The following CDCP2 variants were observed in gnomAD, a reference collection of about 807,000 sequenced individuals.
CDCP2 encodes CUB domain containing protein 2, also known as CUB domain-containing protein 2.
In CDCP2, 31 loss-of-function variants were observed where a neutral mutation model predicts 31.0. That is an observed-to-expected ratio of 1.00 (90% confidence interval 0.75 to 1.35). The LOEUF is 1.35. Among genes scored for constraint, CDCP2 ranks in the 40% most tolerant of loss-of-function variants. CDCP2 has a pLI of 0.00. For missense variants in CDCP2, 443 were observed against 482.6 expected (o/e 0.92, Z 0.77); for synonymous variants, 206 against 207.9 (o/e 0.99, Z 0.08).
chr1:54,151,307 G>A (rs764569732), intron 1 of CDCP2, among the ~76,000 whole-genome samples: 4 of 152,172 alleles, frequency 2.6e-5, no homozygotes, highest in Non-Finnish European at 5.9e-5. Flanking sequence ...TCAGCTCTCT[G>A]CCTAGCTCTT....
chr1:54,139,912 C>A (rs777986947), exon 4 of CDCP2: 1 of 1,614,180 alleles, frequency 6.2e-7, no homozygotes, highest in Admixed American at 1.7e-5. Context: ...TCGAAGGCCG[C>A]CAGATGGTCA....
At chr1:54,135,564 T>A (rs1218076526) in intron 5 of CDCP2, among the ~76,000 whole-genome samples, 1 of 152,156 alleles carries the variant, frequency 6.6e-6, no homozygotes, top group African/African-American at 2.4e-5. Flanking sequence ...GAGTCATTGG[T>A]TCTAGGATTT....
At chr1:54,139,649 G>A in intron 4 of CDCP2, 104 bp downstream of exon 4, 1 of 1,613,478 alleles carries the variant, frequency 6.2e-7, no homozygotes, top group Non-Finnish European at 8.5e-7. Flanking sequence ...CATTCATGGG[G>A]GGGGCAGGAC....
exon 1 of CDCP2, chr1:54,152,884 C>T: frequency 2.5e-6 from 4 of 1,614,236 alleles, no homozygotes; most frequent in Non-Finnish European, 3.4e-6. Flanking sequence ...CCAGCAGTGC[C>T]ACTGCCAGCA....
intron 4 of CDCP2, chr1:54,139,203 TC>T (rs1259322162): frequency 1.5e-4 from 42 of 273,640 alleles, no homozygotes; most frequent in African/African-American, 9.2e-4. Context: ...ATGGCAGCCA[TC>T]TTGCAGCTGT....
chr1:54,141,459 C>T (rs3766463), intron 2 of CDCP2, 26 bp from the exon 3 acceptor site: 1 of 1,558,868 alleles, frequency 6.4e-7, no homozygotes, highest in South Asian at 1.2e-5. Context: ...CTTGAGCTGA[C>T]CTTTCTTTCT....
chr1:54,133,715 T>C (rs998005526), intron 5 of CDCP2, among the ~76,000 whole-genome samples: 1 of 151,946 alleles, frequency 6.6e-6, no homozygotes, highest in Non-Finnish European at 1.5e-5. Flanking sequence ...ACTAACACCA[T>C]GAAACCCCAT....
At chr1:54,140,321 G>A in intron 3 of CDCP2, 1 of 589,672 alleles carries the variant, frequency 1.7e-6, no homozygotes, top group Non-Finnish European at 3.0e-6. Context: ...CTAGCTGAAA[G>A]CTGGGACTTG....
intron 3 of CDCP2, 100 bp downstream of exon 3, chr1:54,140,998 G>T: frequency 9.9e-7 from 1 of 1,015,058 alleles, no homozygotes; most frequent in Non-Finnish European, 1.4e-6. Context: ...AAAGCTCAAG[G>T]CTGCGGGGGG....
At position 54,140,116 on chromosome 1, in the gene CDCP2, G is replaced by T. The variant is rs1002592263; in HGVS notation, c.764-10C>A. On this transcript the variant is annotated splice_polypyrimidine_tract_variant and intron_variant, in intron 3 of 5. Coordinates refer to ENST00000530059, the Ensembl canonical transcript of CDCP2. Reference sequence around the variant, plus strand: ...ACCTCCTGGCATTCTCCTGGATGGGGGATGGGGAGGTGGAAGGAGCAACAG... The same window carrying T: ...ACCTCCTGGCATTCTCCTGGATGGGTGATGGGGAGGTGGAAGGAGCAACAG... The T allele has an allele frequency of 1.4e-5, 23 of 1,611,548 alleles. No homozygotes were observed. The highest frequency in any genetic ancestry group is 1.6e-5 in the Non-Finnish European group (19 of 1,178,718).
chr1:54,150,595 T>TA (rs559491653), intron 1 of CDCP2, among the ~76,000 whole-genome samples: 12,548 of 145,248 alleles, frequency 0.086, 548 homozygotes, highest in South Asian at 0.14. Context: ...AGACTCCATT[T>TA]AAAAAAAAAA....
At chr1:54,150,464 G>A (rs1362876890) in intron 1 of CDCP2, among the ~76,000 whole-genome samples, 1 of 152,030 alleles carries the variant, frequency 6.6e-6, no homozygotes, top group African/African-American at 2.4e-5. Flanking sequence ...GCATGTTGGC[G>A]GGAGTCTGTA....
downstream of CDCP2, chr1:54,132,905 CCT>C: frequency 2.5e-6 from 1 of 398,094 alleles, no homozygotes; most frequent in Non-Finnish European, 4.4e-6. Flanking sequence ...CCGTCCCACC[CCT>C]GTTATGGGTC....
intron 1 of CDCP2, among the ~76,000 whole-genome samples, chr1:54,148,773 G>A (rs901593383): frequency 2.0e-5 from 3 of 151,400 alleles, no homozygotes; most frequent in African/African-American, 7.3e-5. Flanking sequence ...GCTCACACCT[G>A]TAATCCCAGC....
At chr1:54,140,905 A>C in intron 3 of CDCP2, 193 bp downstream of exon 3, 1 of 465,128 alleles carries the variant, frequency 2.1e-6, no homozygotes, top group Non-Finnish European at 3.8e-6. Flanking sequence ...CTGGTAAAAC[A>C]GTAAGTCTTC....
intron 4 of CDCP2, chr1:54,138,371 C>G (rs1659297129): frequency 1.3e-5 from 2 of 152,322 alleles, no homozygotes; most frequent in Admixed American, 1.3e-4. Flanking sequence ...TCTCCCACCC[C>G]AGCTTGCATG....
intron 3 of CDCP2, chr1:54,140,362 T>G: frequency 1.8e-6 from 1 of 546,384 alleles, no homozygotes; most frequent in South Asian, 2.0e-5. Context: ...TTCACAGGTG[T>G]AGGCCCTGTT....
At chr1:54,134,917 G>T (rs1400072017) in intron 5 of CDCP2, among the ~76,000 whole-genome samples, 1 of 152,094 alleles carries the variant, frequency 6.6e-6, no homozygotes, top group Non-Finnish European at 1.5e-5. Flanking sequence ...TGTATTTTTA[G>T]TAGAGACGAG....
chr1:54,133,396 A>G (rs1659199547), intron 5 of CDCP2, 102 bp from the exon 6 acceptor site: 3 of 397,644 alleles, frequency 7.5e-6, no homozygotes, highest in Non-Finnish European at 1.3e-5. Flanking sequence ...GAGCCCGAGG[A>G]GCCTGTGTTC....
Sources: allele counts gnomAD v4.1 joint callset (sites outside exome capture counted in the v4.1 genomes callset), GRCh38; gene constraint gnomAD v4.1.1; transcripts MANE v1.5; gene names NCBI Gene and HGNC (gene_info 2026-07-23, HGNC 2026-07-21).